ADAMTS19: variants seen among roughly 807,000 people sequenced by gnomAD.
ADAMTS19 encodes A disintegrin and metalloproteinase with thrombospondin motifs 19.
Under a neutral mutation model 153.3 loss-of-function variants are expected in ADAMTS19, and 93 were observed. The observed-to-expected ratio is 0.61, with a 90% CI of 0.51 to 0.72. The LOEUF is 0.72. Among genes scored for constraint, ADAMTS19 ranks in the 30% least tolerant of loss-of-function variants. The pLI is 0.00. For synonymous variants in ADAMTS19, 600 were observed against 556.6 expected, an observed-to-expected ratio of 1.08 and a Z score of -1.10; for missense variants, 1,482 against 1,552.1, an observed-to-expected ratio of 0.95 and a Z score of 0.76.
intron 14 of ADAMTS19, among the ~76,000 whole-genome samples, chr5:129,655,906 C>A (rs1290071184): frequency 6.6e-6 from 1 of 152,116 alleles, no homozygotes; most frequent in African/African-American, 2.4e-5. Context: ...CAGAATACGG[C>A]AATTACCAAA....
intron 10 of ADAMTS19, among the ~76,000 whole-genome samples, chr5:129,635,270 A>C (rs1387655770): frequency 6.6e-6 from 1 of 152,174 alleles, no homozygotes. Context: ...GATGCTGATG[A>C]GATGTGGAGA....
At chr5:129,582,424 C>CT (rs993237498) in intron 7 of ADAMTS19, among the ~76,000 whole-genome samples, 9 of 150,828 alleles carry the variant, frequency 6.0e-5, no homozygotes, top group South Asian at 2.1e-4. Context: ...AACCTCTGCT[C>CT]TTTTTTTTGC....
chr5:129,548,624 C>T (rs1228918159), intron 6 of ADAMTS19, among the ~76,000 whole-genome samples: 4 of 151,618 alleles, frequency 2.6e-5, no homozygotes, highest in Admixed American at 6.6e-5. Context: ...GTGGCGATTC[C>T]TCAGGGATCT....
At chr5:129,488,629 C>G (rs1182881341) in intron 2 of ADAMTS19, among the ~76,000 whole-genome samples, 3 of 151,996 alleles carry the variant, frequency 2.0e-5, no homozygotes, top group African/African-American at 7.2e-5. Flanking sequence ...ATTCTGAAGT[C>G]ATTGTCATCA....
At chr5:129,604,265 T>C (rs574332521) in intron 8 of ADAMTS19, among the ~76,000 whole-genome samples, 2 of 152,284 alleles carry the variant, frequency 1.3e-5, no homozygotes, top group East Asian at 1.9e-4. Context: ...ACCATGTTCC[T>C]TCACACTGCA....
chr5:129,656,530 G>A (rs904117826), intron 14 of ADAMTS19, among the ~76,000 whole-genome samples: 1 of 152,174 alleles, frequency 6.6e-6, no homozygotes, highest in Non-Finnish European at 1.5e-5. Flanking sequence ...GAAGGCTGGA[G>A]CCTGTATGAT....
intron 2 of ADAMTS19, among the ~76,000 whole-genome samples, chr5:129,481,935 C>T (rs116465613): frequency 2.1e-3 from 314 of 152,228 alleles, no homozygotes; most frequent in African/African-American, 6.7e-3. Context: ...TCTATCCAAG[C>T]TTGGGGTAAG....
chr5:129,548,308 T>C (rs1210997916), intron 6 of ADAMTS19, among the ~76,000 whole-genome samples: 2 of 144,254 alleles, frequency 1.4e-5, no homozygotes, highest in Non-Finnish European at 3.0e-5. Flanking sequence ...GAATCTACAA[T>C]GAATTCAAAC....
rs1483709835 is a variant in ADAMTS19 at position 129,536,052 on chromosome 5, A to C, written c.1328+7375A>C. On this transcript the variant is annotated intron_variant, in intron 6 of 22. Coordinates refer to ENST00000274487, the MANE Select transcript of ADAMTS19 (RefSeq NM_133638.6). ...AAAAGCAATGGCAACAAAAGCCAAA[A>C]TTGACAAATGGGACCTAATTAAACT... 3.9e-5 allele frequency among the ~76,000 whole-genome samples: 6 copies of C among 152,338 alleles called. No individual in the cohort carries two copies. The East Asian group carries it at 1.2e-3, about 29-fold the overall frequency.
chr5:129,508,831 G>T (rs189652101), intron 2 of ADAMTS19, among the ~76,000 whole-genome samples: 1 of 151,996 alleles, frequency 6.6e-6, no homozygotes, highest in African/African-American at 2.4e-5. Context: ...TCTGTTGCTG[G>T]CGTCTAGCCT....
At chr5:129,601,392 T>G (rs1405219192) in intron 8 of ADAMTS19, among the ~76,000 whole-genome samples, 4 of 152,216 alleles carry the variant, frequency 2.6e-5, no homozygotes, top group African/African-American at 4.8e-5. Flanking sequence ...CCACTATATT[T>G]TATATGATCT....
intron 2 of ADAMTS19, among the ~76,000 whole-genome samples, chr5:129,476,534 CAG>C (rs1032371655): frequency 1.6e-4 from 25 of 152,140 alleles, no homozygotes; most frequent in Admixed American, 7.2e-4. Flanking sequence ...CACAAACATT[CAG>C]AGTTATTCTC....
intron 8 of ADAMTS19, among the ~76,000 whole-genome samples, chr5:129,613,359 C>G (rs1751330154): frequency 6.6e-6 from 1 of 152,088 alleles, no homozygotes; most frequent in Non-Finnish European, 1.5e-5. Context: ...TGCAATCAAA[C>G]TAGAACTCAG....
chr5:129,679,947 G>C, intron 17 of ADAMTS19, 26 bp downstream of exon 17: 1 of 1,592,932 alleles, frequency 6.3e-7, no homozygotes, highest in Non-Finnish European at 8.5e-7. Flanking sequence ...TTGATAACAT[G>C]GCATAATCAA....
At chr5:129,538,740 C>T (rs1752551071) in intron 6 of ADAMTS19, among the ~76,000 whole-genome samples, 1 of 152,028 alleles carries the variant, frequency 6.6e-6, no homozygotes, top group Admixed American at 6.6e-5. Flanking sequence ...CATATTTTCC[C>T]TTAAAAGTCT....
intron 2 of ADAMTS19, among the ~76,000 whole-genome samples, chr5:129,486,254 A>C (rs2126680270): frequency 6.6e-6 from 1 of 152,304 alleles, no homozygotes; most frequent in African/African-American, 2.4e-5. Flanking sequence ...GGCCAGAATT[A>C]TTCTGATACC....
rs1173424372 is a variant in ADAMTS19, at chr5:129,658,367, AAGAG to A, written c.2305-243_2305-240del. Among the ~76,000 whole-genome samples, 69 of 128,112 alleles carry A rather than the reference AAGAG, an allele frequency of 5.4e-4. 1 individual carries two copies. The highest frequency in any genetic ancestry group is 2.2e-3 in the East Asian group (10 of 4,486). The allele number at this position is 128,112 out of a possible 152,430, so 84.0% of individuals were successfully genotyped here. A position where few individuals can be genotyped will look rare whatever the true frequency, so the allele number is the denominator to read the frequency against. On this transcript the variant is annotated intron_variant, in intron 14 of 22. Coordinates refer to ENST00000274487, the MANE Select transcript of ADAMTS19 (RefSeq NM_133638.6). Reference sequence around the variant, plus strand: ...AAAGAAAGAAAGAAAGAAAGAAAGAAAGAGAGAGAGGAAGGAAGGAAGGTAGGTA... The same window carrying A: ...AAAGAAAGAAAGAAAGAAAGAAAGAAAGAGAGGAAGGAAGGAAGGTAGGTA...
rs1205255227 is a variant in ADAMTS19 at position 129,648,952 on chromosome 5, C to A, written c.2158C>A (p.Gln720Lys). ...TSSPKHILQW[Q>K]AVLDEEKPCA... ...CTCCCCAAAGCATATACTTCAGTGGCAAGCTGTCCTGGATGAAGGTATGAC... is the reference window on the plus strand; with the variant it reads ...CTCCCCAAAGCATATACTTCAGTGGAAAGCTGTCCTGGATGAAGGTATGAC... Residue 720 changes from glutamine (Q) to lysine (K), a missense_variant, in exon 13 of 23, where the codon CAA becomes AAA. Physicochemically the swap from Gln to Lys is moderately conservative, Grantham distance 53. Transcript: ENST00000274487. 1.9e-6 allele frequency: 3 copies of A among 1,607,306 alleles called. No individual in the cohort carries two copies. Among genetic ancestry groups the A allele is most frequent in the Non-Finnish European group, 2.6e-6 (3 of 1,175,174 alleles).
intron 6 of ADAMTS19, among the ~76,000 whole-genome samples, chr5:129,532,594 T>C (rs531034876): frequency 3.2e-4 from 49 of 152,276 alleles, no homozygotes; most frequent in Admixed American, 9.2e-4. Flanking sequence ...GATATTTACT[T>C]AAGAAAAATA....
Sources: gnomAD v4.1 joint callset for allele counts (sites outside exome capture counted in the v4.1 genomes callset) on GRCh38, gnomAD v4.1.1 for gene constraint, MANE v1.5 for transcripts, NCBI Gene and HGNC (gene_info 2026-07-23, HGNC 2026-07-21) for gene names.